The following TNFRSF13B variants were observed in gnomAD, a reference collection of about 807,000 sequenced individuals.
The protein encoded by TNFRSF13B is tumor necrosis factor receptor superfamily member 13B.
Under a neutral mutation model 24.0 loss-of-function variants are expected in TNFRSF13B, and 34 were observed. That is an observed-to-expected ratio of 1.41 (90% CI 1.08 to 1.88). The LOEUF (loss-of-function observed/expected upper bound fraction) is 1.88. TNFRSF13B is among the 40% of genes most tolerant of loss of function. The pLI, the probability that TNFRSF13B is intolerant of heterozygous loss-of-function variation, is 0.00. For missense variants in TNFRSF13B, 415 were observed against 380.8 expected, an observed-to-expected ratio of 1.09 and a Z score of -0.75; for synonymous variants, 173 against 150.3, an observed-to-expected ratio of 1.15 and a Z score of -1.10.
intron 1 of TNFRSF13B, among the ~76,000 whole-genome samples, chr17:16,968,600 A>G (rs1190624540): frequency 1.3e-5 from 2 of 152,248 alleles, no homozygotes; most frequent in Non-Finnish European, 2.9e-5. Context: ...AGCTAAAACC[A>G]CAGAACTCAT....
intron 1 of TNFRSF13B, among the ~76,000 whole-genome samples, chr17:16,968,896 G>A (rs2087724209): frequency 6.6e-6 from 1 of 152,104 alleles, no homozygotes; most frequent in African/African-American, 2.4e-5. Context: ...TATTTCAATA[G>A]GCATTTTCCC....
intron 1 of TNFRSF13B, among the ~76,000 whole-genome samples, chr17:16,969,256 T>C (rs1238723902): frequency 1.3e-5 from 2 of 152,204 alleles, no homozygotes; most frequent in African/African-American, 4.8e-5. Context: ...CAAAAGTTCA[T>C]AGAAGCTTTC....
intron 1 of TNFRSF13B, among the ~76,000 whole-genome samples, chr17:16,954,330 G>A (rs1170854327): frequency 1.3e-5 from 2 of 152,308 alleles, no homozygotes; most frequent in East Asian, 1.9e-4. Flanking sequence ...GCTGAGGTGA[G>A]CTATGACCAC....
intron 3 of TNFRSF13B, 156 bp from the exon 4 acceptor site, chr17:16,940,667 TC>T: frequency 6.7e-7 from 1 of 1,488,648 alleles, no homozygotes; most frequent in Non-Finnish European, 8.9e-7. Context: ...TGGGATGCTC[TC>T]TGGATCCTGG....
At chr17:16,962,761 C>G (rs4985700) in intron 1 of TNFRSF13B, among the ~76,000 whole-genome samples, 1 of 151,794 alleles carries the variant, frequency 6.6e-6, no homozygotes, top group African/African-American at 2.4e-5. Context: ...AGGGGAAGAA[C>G]AAAACTGCAG....
At chr17:16,968,945 A>G (rs1232101295) in intron 1 of TNFRSF13B, among the ~76,000 whole-genome samples, 2 of 152,258 alleles carry the variant, frequency 1.3e-5, no homozygotes, top group Non-Finnish European at 2.9e-5. Context: ...GCACATGAAA[A>G]GATGCTTAAC....
intron 1 of TNFRSF13B, among the ~76,000 whole-genome samples, chr17:16,958,263 G>T (rs1429308766): frequency 1.3e-5 from 2 of 151,808 alleles, no homozygotes; most frequent in African/African-American, 4.8e-5. Context: ...ACTCAAAGTG[G>T]CCCACTACAA....
At chr17:16,959,074 G>A (rs572502057) in intron 1 of TNFRSF13B, among the ~76,000 whole-genome samples, 1 of 151,930 alleles carries the variant, frequency 6.6e-6, no homozygotes, top group Admixed American at 6.6e-5. Flanking sequence ...CACAAAACAA[G>A]GCTAAACTTT....
rs1372466699 is a variant in TNFRSF13B, at chr17:16,964,538, T to C, written c.61+7477A>G. Among the ~76,000 whole-genome samples, 4 of 152,178 alleles carry C rather than the reference T, an allele frequency of 2.6e-5. No individual in the cohort carries two copies. The East Asian group carries it at 7.7e-4, about 29-fold the overall frequency. On this transcript the variant is annotated intron_variant, in intron 1 of 4. Coordinates refer to ENST00000261652, the MANE Select transcript of TNFRSF13B (RefSeq NM_012452.3). The stretch of plus-strand genomic sequence containing the variant: ...TTGTATTTTTAGTAGATGAGGTTTC[T>C]CCATGTTGGTCAGGCTGATCTCGAA...
chr17:16,962,231 G>A (rs2087667135), intron 1 of TNFRSF13B, among the ~76,000 whole-genome samples: 1 of 152,242 alleles, frequency 6.6e-6, no homozygotes, highest in African/African-American at 2.4e-5. Context: ...GGTAGGCCAG[G>A]TGTGGTGGCT....
chr17:16,954,523 A>G (rs1464911951), intron 1 of TNFRSF13B, among the ~76,000 whole-genome samples: 3 of 152,252 alleles, frequency 2.0e-5, no homozygotes, highest in Non-Finnish European at 4.4e-5. Context: ...AGGGAATGGC[A>G]GAGGTTTCTA....
rs1432549588 is a variant in TNFRSF13B, at chr17:16,970,679, C to T, written c.61+1336G>A. On this transcript the variant is annotated intron_variant, in intron 1 of 4. Coordinates refer to ENST00000261652, the MANE Select transcript of TNFRSF13B (RefSeq NM_012452.3). ...GGTCCCAGAGTGGGCCAGTGGACAA[C>T]CGGCCAGGGCTGATTCGGCAGCACC... Among the ~76,000 whole-genome samples the T allele has an allele frequency of 4.0e-5, 6 of 148,254 alleles. No homozygotes were observed. The Admixed American group carries it at 4.1e-4, about 10-fold the overall frequency.
chr17:16,939,664 A>C lies in TNFRSF13B; in HGVS notation c.765T>G (p.Cys255Trp). The C allele has an allele frequency of 1.2e-6, 2 of 1,612,218 alleles. No individual in the cohort carries two copies. The highest frequency in any genetic ancestry group is 1.1e-5 in the South Asian group (1 of 90,876). Residue 255 changes from cysteine (C) to tryptophan (W), a missense_variant, in exon 5 of 5, where the codon TGT (cysteine) becomes TGG (tryptophan). Transcript: ENST00000261652. ...AVTPGTPDPTCAGRWGCHTRT... is the reference protein window; with the variant it reads ...AVTPGTPDPTWAGRWGCHTRT... Reference sequence around the variant, plus strand: ...TGGTGTGGCACCCCCACCTTCCAGCACAAGTGGGGTCGGGGGTCCCAGGCG... The same window carrying C: ...TGGTGTGGCACCCCCACCTTCCAGCCCAAGTGGGGTCGGGGGTCCCAGGCG...
chr17:16,940,371 G>A lies in TNFRSF13B; in HGVS notation c.586C>T (p.Gln196Ter). The change falls in exon 4 of 5, where the codon CAG (glutamine) becomes TAG (stop). Residue 196 changes from glutamine to a stop codon, truncating the protein, a stop_gained. Transcript: ENST00000261652. LOFTEE classifies it low-confidence loss of function (END_TRUNC). ...LKKRGDPCSC[Q>*]PRSRPRQSPA... ...CTTTGACGGGGCCTTGAGCGGGGCT[G>A]GCAGGAGCAGGGATCCCCCCTCTTC... is the stretch of plus-strand genomic sequence containing the variant. The A allele has an allele frequency of 6.2e-7, 1 of 1,614,010 alleles. No homozygotes were observed. Among genetic ancestry groups the A allele is most frequent in the Non-Finnish European group, 8.5e-7 (1 of 1,180,024 alleles).
chr17:16,950,069 T>TGA (rs2087578279), intron 2 of TNFRSF13B, among the ~76,000 whole-genome samples: 1 of 152,140 alleles, frequency 6.6e-6, no homozygotes, highest in African/African-American at 2.4e-5. Flanking sequence ...GTATGGCTTT[T>TGA]GAGATGTCCT....
rs199592890 is a variant in TNFRSF13B, at chr17:16,939,796, A to G, written c.633T>C (p.Asp211=). ...PRQSPAKSSQ[D]HAMEAGSPVS... is the part of the protein sequence containing the mutation. ...CAGGGCTGCCGGCTTCCATCGCGTG[A>G]TCTGCAGAGGCGAGAGTGGAGGGCG... Residue 211 remains aspartate (D), a splice_region_variant and synonymous_variant, in exon 5 of 5, where the codon GAT becomes GAC. Transcript: ENST00000261652. The G allele has an allele frequency of 1.4e-5, 23 of 1,611,132 alleles. No individual in the cohort carries two copies. The highest frequency in any genetic ancestry group is 4.4e-5 in the South Asian group (4 of 90,834).
At chr17:16,957,211 C>G (rs2087631286) in intron 1 of TNFRSF13B, among the ~76,000 whole-genome samples, 1 of 146,470 alleles carries the variant, frequency 6.8e-6, no homozygotes, top group Admixed American at 6.9e-5. Context: ...TACAGAAGTT[C>G]TGGAATGAAA....
intron 1 of TNFRSF13B, among the ~76,000 whole-genome samples, chr17:16,953,264 A>G (rs7216399): frequency 0.73 from 111,372 of 152,178 alleles, 40,877 homozygotes; most frequent in East Asian, 0.92. Context: ...TTCTTTAAGT[A>G]CGGACCAACT....
chr17:16,966,261 A>C (rs1238328880), intron 1 of TNFRSF13B, among the ~76,000 whole-genome samples: 1 of 151,970 alleles, frequency 6.6e-6, no homozygotes, highest in African/African-American at 2.4e-5. Flanking sequence ...CTCAAAAAAA[A>C]AAACACCAAA....
Sources: allele counts gnomAD v4.1 joint callset (sites outside exome capture counted in the v4.1 genomes callset), GRCh38; gene constraint gnomAD v4.1.1; transcripts MANE v1.5; gene names NCBI Gene and HGNC (gene_info 2026-07-23, HGNC 2026-07-21).